BACH2: variants seen among roughly 807,000 people sequenced by gnomAD.
BACH2 encodes the protein BACH transcriptional regulator 2.
Under a neutral mutation model 61.8 loss-of-function variants are expected in BACH2, and 5 were observed. That is an observed-to-expected ratio of 0.08 (90% CI 0.04 to 0.17). The LOEUF is 0.17. Ranked by LOEUF, BACH2 falls within the 10% of genes least tolerant of loss-of-function variation. The probability of loss-of-function intolerance (pLI) is 1.00; values close to 1 mark genes in which losing one functional copy is unlikely to be tolerated. For missense variants in BACH2, 824 were observed against 1,091.1 expected (o/e 0.76, Z 3.45); for synonymous variants, 446 against 440.1 (o/e 1.01, Z -0.17).
chr6:90,039,721 A>G (rs1443738194), intron 5 of BACH2, among the ~76,000 whole-genome samples: 1 of 152,176 alleles, frequency 6.6e-6, no homozygotes, highest in African/African-American at 2.4e-5. Flanking sequence ...CTAATAGATT[A>G]TATTACCAAA....
intron 4 of BACH2, among the ~76,000 whole-genome samples, chr6:90,152,584 T>C (rs1784864769): frequency 6.6e-6 from 1 of 152,214 alleles, no homozygotes; most frequent in African/African-American, 2.4e-5. Context: ...CTTAATAAGT[T>C]TTACTTTTTA....
intron 5 of BACH2, among the ~76,000 whole-genome samples, chr6:90,022,669 T>A (rs1205376580): frequency 6.6e-6 from 1 of 152,204 alleles, no homozygotes; most frequent in Non-Finnish European, 1.5e-5. Flanking sequence ...AATATTAGAA[T>A]GTTGGTAGCA....
intron 5 of BACH2, among the ~76,000 whole-genome samples, chr6:90,083,072 A>G (rs754082929): frequency 1.1e-4 from 17 of 152,182 alleles, no homozygotes; most frequent in Non-Finnish European, 1.8e-4. Flanking sequence ...AGCTGCCACA[A>G]GGCTGCAGGC....
At chr6:89,943,539 C>T (rs1431134834) in intron 7 of BACH2, among the ~76,000 whole-genome samples, 1 of 152,146 alleles carries the variant, frequency 6.6e-6, no homozygotes, top group Admixed American at 6.5e-5. Context: ...TGATGACTCT[C>T]TTGCTCTGGT....
intron 3 of BACH2, among the ~76,000 whole-genome samples, chr6:90,213,188 G>A (rs1464459260): frequency 6.6e-6 from 1 of 152,178 alleles, no homozygotes; most frequent in Non-Finnish European, 1.5e-5. Flanking sequence ...AGACAGTGAG[G>A]AATGGGGCAT....
chr6:89,975,974 C>T (rs1489911609), intron 6 of BACH2, among the ~76,000 whole-genome samples: 2 of 152,184 alleles, frequency 1.3e-5, no homozygotes, highest in Admixed American at 6.5e-5. Context: ...GACACACATA[C>T]ATATAAATGC....
chr6:89,991,626 T>TA (rs1202664324), intron 6 of BACH2, among the ~76,000 whole-genome samples: 1 of 151,978 alleles, frequency 6.6e-6, no homozygotes, highest in Non-Finnish European at 1.5e-5. Flanking sequence ...TTTTTCCACC[T>TA]AAAAAAAGTA....
In BACH2 at chr6:90,123,588, G is replaced by A. The variant is rs571596523; in HGVS notation, c.-161-34479C>T. Among the ~76,000 whole-genome samples the A allele has an allele frequency of 2.6e-5, 4 of 151,554 alleles. No individual in the cohort carries two copies. In the East Asian group the frequency reaches 7.8e-4, roughly 30 times the overall value. On this transcript the variant is annotated intron_variant, in intron 4 of 8. Transcript: ENST00000257749. ...GATCGAGACCATCCCAGCTAAAACGGTGAAACCCCGTCTCTACTAAAAATA... is the reference window on the plus strand; with the variant it reads ...GATCGAGACCATCCCAGCTAAAACGATGAAACCCCGTCTCTACTAAAAATA...
Position 90,122,862 on chromosome 6 carries a change from T to G in BACH2, c.-161-33753A>C, listed in dbSNP as rs115595328. On this transcript the variant is annotated intron_variant, in intron 4 of 8. Coordinates refer to ENST00000257749, the MANE Select transcript of BACH2 (RefSeq NM_021813.4). ...CTGCCCATGGCAATGGTTCTATTTT[T>G]TTCATGGGAGACCTTCCTATAGTTA... 6.9e-3 allele frequency among the ~76,000 whole-genome samples: 1,047 copies of G among 152,300 alleles called. 16 individuals carry two copies. Among genetic ancestry groups the G allele is most frequent in the African/African-American group, 0.023 (943 of 41,562 alleles).
In BACH2 at chr6:89,938,220, T is replaced by G. The variant is rs1584501806; in HGVS notation, c.1967A>C (p.Asn656Thr). The G allele has an allele frequency of 6.2e-7, 1 of 1,614,248 alleles. No individual in the cohort carries two copies. Among genetic ancestry groups the G allele is most frequent in the Non-Finnish European group, 8.5e-7 (1 of 1,180,044 alleles). ...FIHDVRRRSKNRIAAQRCRKR... is the reference protein window; with the variant it reads ...FIHDVRRRSKTRIAAQRCRKR... ...GCGGCAGCGCTGGGCCGCGATGCGGTTCTTGCTGCGCCGTCGGACATCATG... is the reference window on the plus strand; with the variant it reads ...GCGGCAGCGCTGGGCCGCGATGCGGGTCTTGCTGCGCCGTCGGACATCATG... The change falls in exon 8 of 9, where the codon AAC becomes ACC. Residue 656 changes from asparagine (N) to threonine (T), a missense_variant. Physicochemically the swap from Asn to Thr is moderately conservative, Grantham distance 65. Around this residue, in one of 8 missense-constraint regions of BACH2, gnomAD observed 160 missense variants for 283.5 expected, o/e 0.56. Coordinates refer to ENST00000257749, the MANE Select transcript of BACH2 (RefSeq NM_021813.4).
chr6:90,160,997 G>C (rs753067116), intron 4 of BACH2, among the ~76,000 whole-genome samples: 1 of 151,458 alleles, frequency 6.6e-6, no homozygotes, highest in Non-Finnish European at 1.5e-5. Context: ...CTGAGGCAGA[G>C]GAATTGCTTG....
chr6:90,098,025 C>T (rs1030935610), intron 4 of BACH2, among the ~76,000 whole-genome samples: 5 of 152,238 alleles, frequency 3.3e-5, no homozygotes, highest in East Asian at 1.9e-4. Context: ...TAGCTGTATC[C>T]GCTTACAAAA....
rs71027920 is a variant in BACH2, at chr6:90,065,270, C to CTTTTTTTTTTTTT, written c.-13+23678_-13+23690dup. On this transcript the variant is annotated intron_variant, in intron 5 of 8. Transcript: ENST00000257749. ...GCCACCCCACCCCCTGCCGCCCCCA[C>CTTTTTTTTTTTTT]TTTTTTTTTTTTTTTTTTTTTTTTT... Among the ~76,000 whole-genome samples, 11 of 52,666 alleles carry CTTTTTTTTTTTTT rather than the reference C, an allele frequency of 2.1e-4. 1 individual carries two copies. The highest frequency in any genetic ancestry group is 1.4e-3 in the South Asian group (1 of 692). 34.6% of individuals were successfully genotyped at this position (52,666 alleles called of 152,430 possible). A position where few individuals can be genotyped will look rare whatever the true frequency, so the allele number is the denominator to read the frequency against.
intron 4 of BACH2, among the ~76,000 whole-genome samples, chr6:90,173,651 G>C (rs1357805119): frequency 6.6e-6 from 1 of 152,108 alleles, no homozygotes; most frequent in Non-Finnish European, 1.5e-5. Context: ...AAATAGATCA[G>C]TAGTTTCCTA....
chr6:90,271,734 T>C (rs1030413088), intron 2 of BACH2, 115 bp downstream of exon 2: 1 of 152,178 alleles, frequency 6.6e-6, no homozygotes, highest in Non-Finnish European at 1.5e-5. Context: ...AAACAAAAAA[T>C]AATAGATGCT....
chr6:90,121,680 T>C (rs1783632112), intron 4 of BACH2, among the ~76,000 whole-genome samples: 1 of 151,994 alleles, frequency 6.6e-6, no homozygotes, highest in Admixed American at 6.6e-5. Flanking sequence ...GTAGCTGGGA[T>C]CTTACAGGCG....
At chr6:90,171,001 G>C (rs538914838) in intron 4 of BACH2, among the ~76,000 whole-genome samples, 1 of 150,692 alleles carries the variant, frequency 6.6e-6, no homozygotes, top group South Asian at 2.1e-4. Flanking sequence ...CAATACCCTT[G>C]AAAGATGAAA....
At chr6:90,271,742 G>A (rs1771531924) in intron 2 of BACH2, 107 bp downstream of exon 2, 2 of 152,274 alleles carry the variant, frequency 1.3e-5, no homozygotes, top group African/African-American at 4.8e-5. Flanking sequence ...AATAATAGAT[G>A]CTGGCGTGGA....
chr6:90,174,613 T>C (rs974528371), intron 4 of BACH2, among the ~76,000 whole-genome samples: 1 of 152,064 alleles, frequency 6.6e-6, no homozygotes, highest in South Asian at 2.1e-4. Context: ...TACAAATTAC[T>C]TTTATTAATA....
Sources: allele counts gnomAD v4.1 joint callset (sites outside exome capture counted in the v4.1 genomes callset), GRCh38; gene constraint gnomAD v4.1.1; regional missense constraint gnomAD v4.1.1; transcripts MANE v1.5; gene names NCBI Gene and HGNC (gene_info 2026-07-23, HGNC 2026-07-21).